The following DEPDC5 variants were observed in gnomAD, a reference collection of about 807,000 sequenced individuals.
DEPDC5 encodes GATOR1 complex protein DEPDC5.
In DEPDC5, 73 loss-of-function variants were observed where a neutral mutation model predicts 217.3. The observed-to-expected ratio is 0.34, with a 90% CI of 0.28 to 0.41. The LOEUF is 0.41. Among genes scored for constraint, DEPDC5 ranks in the 10% least tolerant of loss-of-function variants. The probability of loss-of-function intolerance (pLI) is 1.00; values close to 1 mark genes in which losing one functional copy is unlikely to be tolerated. For missense variants in DEPDC5, 1,675 were observed against 2,070.1 expected, an observed-to-expected ratio of 0.81 and a Z score of 3.70; for synonymous variants, 733 against 756.7, an observed-to-expected ratio of 0.97 and a Z score of 0.51.
chr22:31,846,299 G>A (rs958611712), intron 30 of DEPDC5, among the ~76,000 whole-genome samples: 2 of 152,154 alleles, frequency 1.3e-5, no homozygotes, highest in Admixed American at 6.5e-5. Flanking sequence ...AGTTGTGTGT[G>A]TAAGTAGTTC....
chr22:31,788,260 CTG>C (rs2085224557), intron 10 of DEPDC5, among the ~76,000 whole-genome samples: 1 of 141,468 alleles, frequency 7.1e-6, no homozygotes, highest in Non-Finnish European at 1.5e-5. Context: ...ACTAGGATGA[CTG>C]TATTTTTTTT....
In DEPDC5 at chr22:31,905,185, CT is replaced by C. The variant is rs202180896; in HGVS notation, c.4437-790del. ...CAGAGAGCCCCAGCTTGGCGTTCCTCTTTTTTTTTCTTTTTGAGATGGAGTC... is the reference window on the plus strand; with the variant it reads ...CAGAGAGCCCCAGCTTGGCGTTCCTCTTTTTTTTCTTTTTGAGATGGAGTC... On this transcript the variant is annotated intron_variant, in intron 41 of 42. Coordinates refer to ENST00000651528, the MANE Select transcript of DEPDC5 (RefSeq NM_001242896.3). Among the ~76,000 whole-genome samples, 737 of 151,426 alleles carry C rather than the reference CT, an allele frequency of 4.9e-3. 5 individuals are homozygous for C. The highest frequency in any genetic ancestry group is 7.1e-3 in the Non-Finnish European group (481 of 67,790).
Position 31,906,170 on chromosome 22 carries a change from G to C in DEPDC5, c.4520-35G>C, listed in dbSNP as rs370111302. ...TCAGCAGGCTCCAGGAGCCCTCCTG[G>C]TGGCTGCCACACAGGCGCTCCCCTT... is the stretch of plus-strand genomic sequence containing the variant. On this transcript the variant is annotated intron_variant, in intron 42 of 42. Coordinates refer to ENST00000651528, the MANE Select transcript of DEPDC5 (RefSeq NM_001242896.3). The surrounding 1 kb of genome is among the most constrained non-coding windows in gnomAD (Gnocchi z 5.1). The C allele has an allele frequency of 6.2e-7, 1 of 1,612,664 alleles. No homozygotes were observed. The highest frequency in any genetic ancestry group is 1.3e-5 in the African/African-American group (1 of 74,838).
intron 2 of DEPDC5, chr22:31,757,112 T>C (rs895154015): frequency 6.6e-6 from 1 of 151,728 alleles, no homozygotes; most frequent in Admixed American, 6.6e-5. Context: ...TCAGGGACCT[T>C]AATTCAGACT....
intron 31 of DEPDC5, among the ~76,000 whole-genome samples, chr22:31,850,388 A>G (rs1483389156): frequency 6.6e-6 from 1 of 152,172 alleles, no homozygotes; most frequent in African/African-American, 2.4e-5. Flanking sequence ...GAGAAAGAAA[A>G]AGAGTCCACA....
At chr22:31,851,705 C>T (rs747566966) in intron 31 of DEPDC5, among the ~76,000 whole-genome samples, 9 of 152,144 alleles carry the variant, frequency 5.9e-5, no homozygotes, top group Non-Finnish European at 8.8e-5. Flanking sequence ...GGAGGCTAGA[C>T]CTTGACTGTA....
In DEPDC5 at chr22:31,838,613, T is replaced by C. The variant is rs1263393947; in HGVS notation, c.2355-72T>C. 12 of 1,563,710 alleles carry C rather than the reference T, an allele frequency of 7.7e-6. No individual in the cohort carries two copies. The Admixed American group carries it at 2.1e-4, about 27-fold the overall frequency. On this transcript the variant is annotated intron_variant, in intron 26 of 42. Transcript: ENST00000651528. ...TAAGGGGATGAAGCAAAGGAGATGATGAGACTGTGCACTCTTAAGTGTCAC... is the reference window on the plus strand; with the variant it reads ...TAAGGGGATGAAGCAAAGGAGATGACGAGACTGTGCACTCTTAAGTGTCAC...
chr22:31,824,361 A>G (rs1313334023), intron 24 of DEPDC5, among the ~76,000 whole-genome samples: 1 of 152,140 alleles, frequency 6.6e-6, no homozygotes, highest in African/African-American at 2.4e-5. Flanking sequence ...GAAAAAAAAA[A>G]AGAAAGGTGT....
At chr22:31,827,609 C>G (rs1265067484) in intron 24 of DEPDC5, among the ~76,000 whole-genome samples, 4 of 152,194 alleles carry the variant, frequency 2.6e-5, no homozygotes, top group Non-Finnish European at 5.9e-5. Context: ...CCAAGGGCTT[C>G]CCAGCTCACT....
intron 31 of DEPDC5, among the ~76,000 whole-genome samples, chr22:31,855,953 GT>G (rs2092271557): frequency 6.6e-6 from 1 of 152,066 alleles, no homozygotes; most frequent in South Asian, 2.1e-4. Context: ...TGCAAATTGG[GT>G]TCTCAGGGAA....
intron 6 of DEPDC5, 52 bp from the exon 7 acceptor site, chr22:31,768,762 C>G: frequency 6.9e-7 from 1 of 1,456,800 alleles, no homozygotes; most frequent in Non-Finnish European, 9.5e-7. Flanking sequence ...CTCTCTTTCT[C>G]ACCCTCTCTC....
intron 38 of DEPDC5, among the ~76,000 whole-genome samples, chr22:31,881,009 C>T (rs944947336): frequency 1.9e-4 from 27 of 143,166 alleles, no homozygotes; most frequent in Non-Finnish European, 2.4e-4. Context: ...AATAAGACTC[C>T]GTCTCAAAAA....
chr22:31,762,176 T>C (rs1199827646), intron 4 of DEPDC5, among the ~76,000 whole-genome samples: 3 of 151,980 alleles, frequency 2.0e-5, no homozygotes, highest in Non-Finnish European at 4.4e-5. Context: ...AAATATATAT[T>C]GATGATCGCC....
intron 10 of DEPDC5, among the ~76,000 whole-genome samples, chr22:31,789,698 TTATG>T (rs2085411572): frequency 6.6e-6 from 1 of 152,200 alleles, no homozygotes; most frequent in Non-Finnish European, 1.5e-5. Context: ...TGAAGTCACA[TTATG>T]TAGTGTAAAA....
At position 31,906,007 on chromosome 22, in the gene DEPDC5, A is replaced by G. The variant is rs772193896; in HGVS notation, c.4460A>G (p.Tyr1487Cys). 3 of 1,614,128 alleles carry G rather than the reference A, an allele frequency of 1.9e-6. No homozygotes were observed. Among genetic ancestry groups the G allele is most frequent in the Non-Finnish European group, 2.5e-6 (3 of 1,180,010 alleles). ...AHRFGFVQDK[Y>C]SASAFNFPAE... Reference sequence around the variant, plus strand: ...AGGTTTGGGTTTGTACAAGATAAATATTCTGCCTCTGCTTTTAACTTCCCT... The same window carrying G: ...AGGTTTGGGTTTGTACAAGATAAATGTTCTGCCTCTGCTTTTAACTTCCCT... The change falls in exon 42 of 43, where the codon TAT becomes TGT. Residue 1487 changes from tyrosine (Y) to cysteine (C), a missense_variant. Physicochemically the swap from Tyr to Cys is radical, Grantham distance 194. Around this residue, in one of 11 missense-constraint regions of DEPDC5, gnomAD observed 182 missense variants for 290.1 expected, o/e 0.63. Transcript: ENST00000651528. The surrounding 1 kb of genome is among the most constrained non-coding windows in gnomAD (Gnocchi z 5.1).
At chr22:31,755,327 T>C (rs1601553021) in intron 2 of DEPDC5, 1 of 327,708 alleles carries the variant, frequency 3.1e-6, no homozygotes, top group East Asian at 7.0e-5. Flanking sequence ...TTACATTGAG[T>C]GAGAGAGAAG....
intron 40 of DEPDC5, among the ~76,000 whole-genome samples, chr22:31,900,880 A>C (rs779131768): frequency 6.6e-6 from 1 of 152,166 alleles, no homozygotes; most frequent in Non-Finnish European, 1.5e-5. Context: ...GTTTGAGACC[A>C]GCTTGGACAA....
intron 2 of DEPDC5, 94 bp from the exon 3 acceptor site, chr22:31,758,452 T>C: frequency 1.8e-6 from 2 of 1,123,212 alleles, no homozygotes; most frequent in Non-Finnish European, 2.7e-6. Flanking sequence ...GGGGTGGCAA[T>C]ACCATCCTGA....
chr22:31,798,522 TAAA>T, intron 13 of DEPDC5, 57 bp from the exon 14 acceptor site: 1 of 1,361,774 alleles, frequency 7.3e-7, no homozygotes, highest in South Asian at 1.3e-5. Context: ...CGTTTAAAAT[TAAA>T]AAAAAAAGTT....
Sources: allele counts gnomAD v4.1 joint callset (sites outside exome capture counted in the v4.1 genomes callset), GRCh38; gene constraint gnomAD v4.1.1; regional missense constraint gnomAD v4.1.1; non-coding constraint Gnocchi (gnomAD v3.1); transcripts MANE v1.5; gene names NCBI Gene and HGNC (gene_info 2026-07-23, HGNC 2026-07-21).